HTR4: variants seen among roughly 807,000 people sequenced by gnomAD.
HTR4 encodes the protein 5-hydroxytryptamine receptor 4.
HTR4 carries 16 observed loss-of-function variants against 36.8 expected under a neutral mutation model. That is an observed-to-expected ratio of 0.43 (90% CI 0.29 to 0.66). The LOEUF is 0.66. Ranked by LOEUF, HTR4 falls within the 30% of genes least tolerant of loss-of-function variation. HTR4 has a pLI of 0.13. For missense variants in HTR4, 438 were observed against 490.9 expected (o/e 0.89, Z 1.02); for synonymous variants, 189 against 185.1 (o/e 1.02, Z -0.17).
chr5:148,641,833 T>C (rs79182202), intron 1 of HTR4, among the ~76,000 whole-genome samples: 1,810 of 152,302 alleles, frequency 0.012, 12 homozygotes, highest in Non-Finnish European at 0.019. Flanking sequence ...ATCTGAAATA[T>C]TGCTGTGGAA....
chr5:148,516,527 C>T (rs550068076), intron 5 of HTR4, among the ~76,000 whole-genome samples: 2 of 151,972 alleles, frequency 1.3e-5, no homozygotes, highest in East Asian at 1.9e-4. Context: ...ACCATATTGG[C>T]CAGGCTGGTC....
chr5:148,615,614 G>A (rs1752638053), intron 2 of HTR4, among the ~76,000 whole-genome samples: 1 of 150,538 alleles, frequency 6.6e-6, no homozygotes, highest in African/African-American at 2.5e-5. Context: ...ACACCAGCAT[G>A]GCACATGTAT....
At chr5:148,622,345 T>C (rs890346794) in intron 2 of HTR4, among the ~76,000 whole-genome samples, 2 of 152,242 alleles carry the variant, frequency 1.3e-5, no homozygotes, top group Non-Finnish European at 2.9e-5. Context: ...TATGTTTCTC[T>C]GTAACCAGCC....
At chr5:148,589,025 A>G (rs1761456783) in intron 2 of HTR4, among the ~76,000 whole-genome samples, 1 of 152,110 alleles carries the variant, frequency 6.6e-6, no homozygotes, top group Non-Finnish European at 1.5e-5. Flanking sequence ...TGTCTATAGT[A>G]TATGTATACA....
intron 6 of HTR4, among the ~76,000 whole-genome samples, chr5:148,487,733 G>A (rs1049075189): frequency 6.6e-6 from 1 of 151,818 alleles, no homozygotes; most frequent in Non-Finnish European, 1.5e-5. Context: ...AGAGACAGTA[G>A]AGAGAGCGAG....
intron 5 of HTR4, among the ~76,000 whole-genome samples, chr5:148,464,798 T>C (rs1755380546): frequency 6.6e-6 from 1 of 152,188 alleles, no homozygotes; most frequent in East Asian, 1.9e-4. Context: ...AGGAGCTTTA[T>C]TTGTAATTGC....
chr5:148,490,349 C>T (rs1264178534), intron 6 of HTR4, among the ~76,000 whole-genome samples: 1 of 151,876 alleles, frequency 6.6e-6, no homozygotes, highest in East Asian at 1.9e-4. Context: ...CTACCAACCC[C>T]AGATTGCCAA....
intron 6 of HTR4, among the ~76,000 whole-genome samples, chr5:148,507,577 C>CA (rs113992728): frequency 6.2e-4 from 89 of 142,514 alleles, no homozygotes; most frequent in Middle Eastern, 3.7e-3. Flanking sequence ...TAAGTTTCTT[C>CA]AAAAAAAAAA....
At chr5:148,578,224 T>C (rs182774823) in intron 2 of HTR4, among the ~76,000 whole-genome samples, 3 of 152,150 alleles carry the variant, frequency 2.0e-5, no homozygotes, top group African/African-American at 7.2e-5. Flanking sequence ...CGTGCTTTGT[T>C]TCCTAAACTG....
chr5:148,590,287 C>CTTTT (rs779077579), intron 2 of HTR4, among the ~76,000 whole-genome samples: 279 of 33,350 alleles, frequency 8.4e-3, no homozygotes, highest in Non-Finnish European at 0.01. Context: ...TTTTTCTTTT[C>CTTTT]TTTTTTTTTT....
chr5:148,590,287 C>CTTTTTTTTTTTTTT (rs779077579), intron 2 of HTR4, among the ~76,000 whole-genome samples: 5 of 33,336 alleles, frequency 1.5e-4, no homozygotes, highest in East Asian at 9.1e-4. Context: ...TTTTTCTTTT[C>CTTTTTTTTTTTTTT]TTTTTTTTTT....
intron 4 of HTR4, among the ~76,000 whole-genome samples, chr5:148,536,787 G>A (rs117087689): frequency 3.5e-4 from 53 of 152,194 alleles, no homozygotes; most frequent in African/African-American, 1.3e-3. Context: ...CACAATAATA[G>A]TGGAAGGCTT....
Position 148,483,017 on chromosome 5 carries a change from C to T in HTR4, c.*186G>A. The T allele has an allele frequency of 6.9e-7, 1 of 1,447,528 alleles. No individual in the cohort carries two copies. The highest frequency in any genetic ancestry group is 9.1e-7 in the Non-Finnish European group (1 of 1,097,710). 89.7% of individuals were successfully genotyped at this position (1,447,528 alleles called of 1,614,324 possible). ...GTGAACAAGGAGGCCATTATGTCCC[C>T]TGACTCCCTCCAGCGCCACCTGCTG... On this transcript the variant is annotated 3_prime_UTR_variant, in exon 7 of 7. Transcript: ENST00000377888.
In HTR4 at chr5:148,593,765, A is replaced by G. The variant is rs151002510; in HGVS notation, c.26+43224T>C. On this transcript the variant is annotated intron_variant, in intron 2 of 6. Transcript: ENST00000377888. ...AAATAAAAATAAAACCTTGAATTCT[A>G]AGATGAAATTCAAGTTTATTGGCAA... Among the ~76,000 whole-genome samples the G allele has an allele frequency of 5.3e-3, 809 of 152,312 alleles. 11 individuals carry two copies. The highest frequency in any genetic ancestry group is 0.018 in the African/African-American group (768 of 41,576).
chr5:148,451,300 A>G (rs767533263), intron 5 of HTR4: 1 of 1,613,234 alleles, frequency 6.2e-7, no homozygotes, highest in South Asian at 1.1e-5. Context: ...AAGGCATGAG[A>G]ATTCAACAGG....
intron 5 of HTR4, chr5:148,520,894 A>G (rs766815480): frequency 2.2e-6 from 3 of 1,367,736 alleles, no homozygotes; most frequent in Non-Finnish European, 2.9e-6. Flanking sequence ...TTCTTTCAGA[A>G]TCCTAAGGAA....
chr5:148,603,036 CCAACTTACACA>C (rs1189396021), intron 2 of HTR4, among the ~76,000 whole-genome samples: 1 of 151,946 alleles, frequency 6.6e-6, no homozygotes, highest in Non-Finnish European at 1.5e-5. Flanking sequence ...ATAAATAACA[CCAACTTACACA>C]AAAACTTTTA....
chr5:148,504,757 A>G (rs183822034), intron 6 of HTR4, among the ~76,000 whole-genome samples: 2 of 152,328 alleles, frequency 1.3e-5, no homozygotes, highest in African/African-American at 4.8e-5. Context: ...CAAGACTAAT[A>G]AAGAAGAAAA....
intron 2 of HTR4, among the ~76,000 whole-genome samples, chr5:148,622,512 T>C: frequency 6.6e-6 from 1 of 151,906 alleles, no homozygotes; most frequent in Admixed American, 6.5e-5. Context: ...CTTGTCAGGC[T>C]GATATCCTTC....
Sources: gnomAD v4.1 joint callset for allele counts (sites outside exome capture counted in the v4.1 genomes callset) on GRCh38, gnomAD v4.1.1 for gene constraint, MANE v1.5 for transcripts, NCBI Gene and HGNC (gene_info 2026-07-23, HGNC 2026-07-21) for gene names.